The following TJP1 variants were observed in gnomAD, a reference collection of about 807,000 sequenced individuals.
The protein encoded by TJP1 is tight junction protein 1.
TJP1 carries 43 observed loss-of-function variants against 194.2 expected under a neutral mutation model. That is an observed-to-expected ratio of 0.22 (90% CI 0.17 to 0.29). The LOEUF (loss-of-function observed/expected upper bound fraction) is 0.29. Among genes scored for constraint, TJP1 ranks in the 10% least tolerant of loss-of-function variants. The pLI is 1.00. For synonymous variants in TJP1, 801 were observed against 779.0 expected, an observed-to-expected ratio of 1.03 and a Z score of -0.47; for missense variants, 1,971 against 2,185.7, an observed-to-expected ratio of 0.90 and a Z score of 1.96.
At chr15:29,724,820 A>G (rs1171796615) in intron 18 of TJP1, among the ~76,000 whole-genome samples, 1 of 152,152 alleles carries the variant, frequency 6.6e-6, no homozygotes, top group African/African-American at 2.4e-5. Context: ...TAAATAACCT[A>G]TTTTTCCTCA....
intron 2 of TJP1, among the ~76,000 whole-genome samples, chr15:29,847,358 T>C (rs1362844189): frequency 6.6e-6 from 1 of 152,224 alleles, no homozygotes; most frequent in Non-Finnish European, 1.5e-5. Flanking sequence ...TTTGTTTTCC[T>C]ATTTTTAATT....
chr15:29,935,759 G>C (rs964898928), intron 2 of TJP1, among the ~76,000 whole-genome samples: 3 of 151,966 alleles, frequency 2.0e-5, no homozygotes, highest in Admixed American at 1.3e-4. Flanking sequence ...CAACAATCTG[G>C]TCTCCTGGGC....
chr15:29,925,675 C>T (rs2054503582), intron 2 of TJP1, among the ~76,000 whole-genome samples: 1 of 152,166 alleles, frequency 6.6e-6, no homozygotes, highest in African/African-American at 2.4e-5. Flanking sequence ...GCTCCTGGGT[C>T]CATAGGCAGG....
In TJP1 at chr15:29,761,539, C is replaced by T. The variant is rs1008481623; in HGVS notation, c.862+62G>A. 9 of 1,515,344 alleles carry T rather than the reference C, an allele frequency of 5.9e-6. No individual in the cohort carries two copies. The Admixed American group carries it at 2.0e-4, about 33-fold the overall frequency. The allele number at this position is 1,515,344 out of a possible 1,614,324, so 93.9% of individuals were successfully genotyped here. ...ATCATTTCATTCAAAGATGTTCAAT[C>T]TCCCTAGTATTTTAAGAAAATAGGT... On this transcript the variant is annotated intron_variant, in intron 7 of 27. Coordinates refer to ENST00000614355, the MANE Select transcript of TJP1 (RefSeq NM_001330239.4).
chr15:29,735,930 G>A (rs2044004040), intron 11 of TJP1, among the ~76,000 whole-genome samples: 1 of 152,162 alleles, frequency 6.6e-6, no homozygotes, highest in South Asian at 2.1e-4. Flanking sequence ...TTGATTACGA[G>A]CTGCTCACTT....
At chr15:29,801,984 A>G (rs2048823799) in intron 1 of TJP1, among the ~76,000 whole-genome samples, 1 of 152,200 alleles carries the variant, frequency 6.6e-6, no homozygotes, top group Non-Finnish European at 1.5e-5. Context: ...CGGGTTGGAC[A>G]AGGTTGATCT....
chr15:29,844,250 G>A (rs1193680536), intron 2 of TJP1, among the ~76,000 whole-genome samples: 2 of 152,092 alleles, frequency 1.3e-5, no homozygotes, highest in Admixed American at 6.5e-5. Flanking sequence ...TTGTATTTTA[G>A]TAGAGACAGG....
chr15:29,930,206 A>G (rs1218967231), intron 2 of TJP1, among the ~76,000 whole-genome samples: 2 of 152,204 alleles, frequency 1.3e-5, no homozygotes, highest in African/African-American at 4.8e-5. Flanking sequence ...TACACAGACT[A>G]TTACAGATGA....
chr15:29,787,582 T>C (rs1393352627), intron 2 of TJP1, among the ~76,000 whole-genome samples: 1 of 152,218 alleles, frequency 6.6e-6, no homozygotes, highest in African/African-American at 2.4e-5. Context: ...ATACTTCTTA[T>C]AAATGGAATC....
chr15:29,926,123 G>C (rs1266480041), intron 2 of TJP1, among the ~76,000 whole-genome samples: 1 of 152,170 alleles, frequency 6.6e-6, no homozygotes, highest in Non-Finnish European at 1.5e-5. Context: ...GAAAACCAAA[G>C]AAACAAGGAT....
Position 29,815,690 on chromosome 15 carries a change from G to A in TJP1, c.27+6312C>T, listed in dbSNP as rs1019584785. On this transcript the variant is annotated intron_variant, in intron 1 of 27. Coordinates refer to ENST00000614355, the MANE Select transcript of TJP1 (RefSeq NM_001330239.4). ...TTTTATCATATCAGGGGTATGTCAA[G>A]TAACAGGATTACGTCTTCAAATTTT... 2.0e-5 allele frequency among the ~76,000 whole-genome samples: 3 copies of A among 152,218 alleles called. No individual in the cohort carries two copies. In the East Asian group the frequency reaches 5.8e-4, roughly 29 times the overall value.
chr15:29,766,540 T>A lies in TJP1; in HGVS notation c.315A>T (p.Thr105=). ...LRKSGKNAKI[T]IRRKKKVQIP... ...TTTGAACTTTCTTCTTCCTTCTAATTGTCTGCAAGTTAAAAAGGTTAAAAA... is the reference window on the plus strand; with the variant it reads ...TTTGAACTTTCTTCTTCCTTCTAATAGTCTGCAAGTTAAAAAGGTTAAAAA... The change falls in exon 5 of 28, where the codon ACA becomes ACT. Residue 105 remains threonine (T), a splice_region_variant and synonymous_variant. Coordinates refer to ENST00000614355, the MANE Select transcript of TJP1 (RefSeq NM_001330239.4). 1.3e-6 allele frequency: 2 copies of A among 1,541,164 alleles called. No homozygotes were observed. Among genetic ancestry groups the A allele is most frequent in the Non-Finnish European group, 1.7e-6 (2 of 1,146,986 alleles).
intron 2 of TJP1, among the ~76,000 whole-genome samples, chr15:29,918,623 A>G (rs2152243414): frequency 6.6e-6 from 1 of 152,250 alleles, no homozygotes; most frequent in East Asian, 1.9e-4. Flanking sequence ...CTGTAGTTCC[A>G]GCTACTCGGG....
intron 2 of TJP1, among the ~76,000 whole-genome samples, chr15:29,858,018 C>T (rs772312727): frequency 9.2e-5 from 14 of 152,200 alleles, no homozygotes; most frequent in Non-Finnish European, 1.5e-4. Flanking sequence ...CCGCCTCAGT[C>T]TCCTAAAATG....
intron 2 of TJP1, among the ~76,000 whole-genome samples, chr15:29,870,720 G>A (rs190781890): frequency 2.5e-3 from 382 of 152,294 alleles, no homozygotes; most frequent in Middle Eastern, 0.021. Context: ...TCCCTGCAGG[G>A]ATGTTAGGAA....
intron 2 of TJP1, among the ~76,000 whole-genome samples, chr15:29,915,989 G>A (rs566378626): frequency 1.6e-4 from 24 of 151,972 alleles, no homozygotes; most frequent in Non-Finnish European, 1.8e-4. Context: ...TAAAATCCAC[G>A]TTATAAAAAC....
intron 2 of TJP1, among the ~76,000 whole-genome samples, chr15:29,781,752 A>G (rs1057160114): frequency 7.9e-5 from 12 of 152,222 alleles, no homozygotes; most frequent in African/African-American, 2.7e-4. Flanking sequence ...ATGGCTTTCA[A>G]TAAACTTCAA....
At chr15:29,737,891 T>C (rs545716875) in intron 10 of TJP1, among the ~76,000 whole-genome samples, 9 of 152,192 alleles carry the variant, frequency 5.9e-5, no homozygotes, top group Non-Finnish European at 1.2e-4. Context: ...TTTCTACATG[T>C]AACAGAGAGT....
chr15:29,966,501 AAAAT>A (rs199759350), intron 1 of TJP1, among the ~76,000 whole-genome samples: 3,234 of 151,978 alleles, frequency 0.021, 98 homozygotes, highest in African/African-American at 0.075. Context: ...AAACTGTTTC[AAAAT>A]AAATAAATAA....
Sources: allele counts gnomAD v4.1 joint callset (sites outside exome capture counted in the v4.1 genomes callset), GRCh38; gene constraint gnomAD v4.1.1; transcripts MANE v1.5; gene names NCBI Gene and HGNC (gene_info 2026-07-23, HGNC 2026-07-21).